Variants in XKR6 observed in about 807,000 individuals in gnomAD.
The protein encoded by XKR6 is XK related 6, also known as XK-related protein 6.
In XKR6, 22 loss-of-function variants were observed where a neutral mutation model predicts 56.7. The observed-to-expected ratio is 0.39, with a 90% CI of 0.28 to 0.55. XKR6 has a LOEUF of 0.55. XKR6 is among the 20% of genes least tolerant of loss of function. The pLI, the probability that XKR6 is intolerant of heterozygous loss-of-function variation, is 0.66. For missense variants in XKR6, 852 were observed against 889.0 expected, an observed-to-expected ratio of 0.96 and a Z score of 0.53; for synonymous variants, 524 against 387.8, an observed-to-expected ratio of 1.35 and a Z score of -4.13.
At chr8:10,916,112 A>T (rs1586301647) in intron 2 of XKR6, among the ~76,000 whole-genome samples, 1 of 152,232 alleles carries the variant, frequency 6.6e-6, no homozygotes, top group Non-Finnish European at 1.5e-5. Context: ...GCTCTGCTCA[A>T]TTTGGGGTCC....
chr8:11,144,518 G>A lies in XKR6; in HGVS notation c.764+56058C>T, dbSNP rs900271539. On this transcript the variant is annotated intron_variant, in intron 1 of 2. Transcript: ENST00000416569. ...ACGTAATCTGGAGACCAGGGCGCAG[G>A]CACAGGATGGCGCTAAGAGCTCGGC... Among the ~76,000 whole-genome samples the A allele has an allele frequency of 7.9e-5, 12 of 151,982 alleles. 1 individual carries two copies. Among genetic ancestry groups the A allele is most frequent in the African/African-American group, 2.9e-4 (12 of 41,384 alleles).
At chr8:11,178,547 A>ATATATATATATATATGTATATAT (rs1802779230) in intron 1 of XKR6, among the ~76,000 whole-genome samples, 4 of 88,504 alleles carry the variant, frequency 4.5e-5, no homozygotes, top group African/African-American at 2.3e-4. Context: ...GAGAGGTAAA[A>ATATATATATATATATGTATATAT]ATATATATAT....
intron 1 of XKR6, among the ~76,000 whole-genome samples, chr8:11,183,230 G>C (rs1803092902): frequency 6.6e-6 from 1 of 152,132 alleles, no homozygotes; most frequent in Admixed American, 6.5e-5. Context: ...AGCCCGAATT[G>C]AAACTGCTGG....
chr8:11,114,330 G>C (rs184247381), intron 1 of XKR6, among the ~76,000 whole-genome samples: 75 of 152,160 alleles, frequency 4.9e-4, no homozygotes, highest in Middle Eastern at 3.4e-3. Context: ...AGTCATATTT[G>C]ATTCATTTCC....
At chr8:11,071,512 ATGAGCCCCGAGTC>A (rs760216887) in intron 1 of XKR6, among the ~76,000 whole-genome samples, 61 of 123,328 alleles carry the variant, frequency 4.9e-4, no homozygotes, top group Admixed American at 7.8e-4. Context: ...CCCCGAGTCT[ATGAGCCCCGAGTC>A]CATGAGCCCC....
At chr8:11,003,863 CA>C (rs1317551769) in intron 1 of XKR6, among the ~76,000 whole-genome samples, 1 of 152,154 alleles carries the variant, frequency 6.6e-6, no homozygotes, top group Non-Finnish European at 1.5e-5. Context: ...AAAAGGTTCC[CA>C]AGGGAGAAAA....
intron 1 of XKR6, among the ~76,000 whole-genome samples, chr8:11,120,399 A>G (rs915811323): frequency 6.6e-6 from 1 of 152,194 alleles, no homozygotes; most frequent in African/African-American, 2.4e-5. Flanking sequence ...ATAACAGACA[A>G]ACAGAGAGCC....
At chr8:11,162,931 C>A (rs1257408813) in intron 1 of XKR6, among the ~76,000 whole-genome samples, 4 of 152,164 alleles carry the variant, frequency 2.6e-5, no homozygotes, top group Non-Finnish European at 5.9e-5. Flanking sequence ...CATCACTTAC[C>A]TTATTCTCAG....
intron 1 of XKR6, among the ~76,000 whole-genome samples, chr8:10,997,860 C>T (rs4840531): frequency 0.34 from 51,621 of 151,954 alleles, 11,872 homozygotes; most frequent in African/African-American, 0.66. Flanking sequence ...CAGGCACAAC[C>T]GGGGTCAGAG....
intron 1 of XKR6, among the ~76,000 whole-genome samples, chr8:11,147,179 A>C (rs563725144): frequency 2.6e-5 from 4 of 152,248 alleles, no homozygotes; most frequent in African/African-American, 9.6e-5. Context: ...TGATGGTGTT[A>C]ATGGTTCCAA....
At chr8:11,094,468 G>T (rs1798205518) in intron 1 of XKR6, among the ~76,000 whole-genome samples, 1 of 152,146 alleles carries the variant, frequency 6.6e-6, no homozygotes, top group African/African-American at 2.4e-5. Flanking sequence ...GGGAGTACAG[G>T]CCAGAGCCAC....
intron 1 of XKR6, among the ~76,000 whole-genome samples, chr8:11,169,074 G>C (rs1043601338): frequency 1.3e-5 from 2 of 152,042 alleles, no homozygotes; most frequent in Non-Finnish European, 2.9e-5. Flanking sequence ...CAGCTCCTGA[G>C]TGGTCCCAGG....
In XKR6 at chr8:10,966,356, A is replaced by G. The variant is rs1802222701; in HGVS notation, c.765-41526T>C. On this transcript the variant is annotated intron_variant, in intron 1 of 2. Coordinates refer to ENST00000416569, the MANE Select transcript of XKR6 (RefSeq NM_173683.4). ...CAGTGCCTGTACCATCACCATTAGC[A>G]TCACCGAGAAATGTATTAAAAACGC... Among the ~76,000 whole-genome samples, 3 of 152,108 alleles carry G rather than the reference A, an allele frequency of 2.0e-5. No homozygotes were observed. The South Asian group carries it at 6.2e-4, about 32-fold the overall frequency.
chr8:11,020,477 C>T (rs542859550), intron 1 of XKR6, among the ~76,000 whole-genome samples: 102 of 152,314 alleles, frequency 6.7e-4, no homozygotes, highest in African/African-American at 2.3e-3. Context: ...TGCTTCTCCC[C>T]GTCCTTCTTA....
intron 1 of XKR6, among the ~76,000 whole-genome samples, chr8:10,985,555 A>G (rs1253629760): frequency 6.6e-6 from 1 of 151,900 alleles, no homozygotes; most frequent in African/African-American, 2.4e-5. Flanking sequence ...AAAATTACCA[A>G]AACTTACTCT....
chr8:11,151,764 C>T (rs1423515814), intron 1 of XKR6, among the ~76,000 whole-genome samples: 2 of 151,988 alleles, frequency 1.3e-5, no homozygotes, highest in South Asian at 4.2e-4. Context: ...GCCTTACATC[C>T]CCCCGCTCCG....
intron 1 of XKR6, among the ~76,000 whole-genome samples, chr8:11,025,796 CT>C (rs550981387): frequency 8.3e-4 from 127 of 152,278 alleles, no homozygotes; most frequent in African/African-American, 2.9e-3. Flanking sequence ...ATTAGCCCTG[CT>C]TGTGGAGGGA....
chr8:11,009,103 G>A (rs1190845206), intron 1 of XKR6, among the ~76,000 whole-genome samples: 1 of 151,450 alleles, frequency 6.6e-6, no homozygotes, highest in African/African-American at 2.4e-5. Context: ...GGGGGTGGGA[G>A]GTCCTGTTCT....
chr8:10,954,867 T>TC (rs376716851), intron 1 of XKR6, among the ~76,000 whole-genome samples: 12 of 57,376 alleles, frequency 2.1e-4, no homozygotes, highest in Admixed American at 1.0e-3. Context: ...CTTCATTCTC[T>TC]TTTTTTTTTT....
Sources: gnomAD v4.1 joint callset for allele counts (sites outside exome capture counted in the v4.1 genomes callset) on GRCh38, gnomAD v4.1.1 for gene constraint, MANE v1.5 for transcripts, NCBI Gene and HGNC (gene_info 2026-07-23, HGNC 2026-07-21) for gene names.